KCNN3: variants seen among roughly 807,000 people sequenced by gnomAD.
KCNN3 encodes the protein potassium calcium-activated channel subfamily N member 3.
Under a neutral mutation model 62.9 loss-of-function variants are expected in KCNN3, and 16 were observed. The ratio of observed to expected loss-of-function variants is 0.25; its 90% CI spans 0.17 to 0.39. The LOEUF is 0.39. KCNN3 is among the 10% of genes least tolerant of loss of function. KCNN3 has a pLI of 1.00. For missense variants in KCNN3, 599 were observed against 949.4 expected (o/e 0.63, Z 4.85); for synonymous variants, 370 against 389.2 (o/e 0.95, Z 0.58).
At chr1:154,851,785 G>C (rs1428573537) in intron 1 of KCNN3, among the ~76,000 whole-genome samples, 1 of 152,202 alleles carries the variant, frequency 6.6e-6, no homozygotes, top group Non-Finnish European at 1.5e-5. Flanking sequence ...ACCCTGGCTT[G>C]ACCCTCCCTG....
At chr1:154,784,843 C>G (rs1334651551) in intron 2 of KCNN3, among the ~76,000 whole-genome samples, 1 of 152,218 alleles carries the variant, frequency 6.6e-6, no homozygotes, top group African/African-American at 2.4e-5. Context: ...ATTTTACAGA[C>G]AGGGAAACTG....
intron 3 of KCNN3, among the ~76,000 whole-genome samples, chr1:154,760,733 T>C (rs1647966450): frequency 2.6e-5 from 4 of 152,180 alleles, no homozygotes; most frequent in Admixed American, 1.3e-4. Context: ...GGGAGGCTAC[T>C]GAAGAGCCAG....
rs532698092 is a variant in KCNN3, at chr1:154,748,607, C to A, written c.1449-15463G>T. ...GCCATGTGGGCCAAAGCTTTATGCG[C>A]ATTACTGAATTTAATCCTCAAAAAA... On this transcript the variant is annotated intron_variant, in intron 3 of 7. Coordinates refer to ENST00000271915, the MANE Select transcript of KCNN3 (RefSeq NM_002249.6). Among the ~76,000 whole-genome samples, 6 of 152,310 alleles carry A rather than the reference C, an allele frequency of 3.9e-5. No homozygotes were observed. The South Asian group carries it at 1.2e-3, about 32-fold the overall frequency.
Position 154,708,018 on chromosome 1 carries a change from G to T in KCNN3, c.2154C>A (p.Ser718=). The stretch of plus-strand genomic sequence containing the variant: ...TTGTGTACGGGGTCGGGAAGGAGGT[G>T]GAGCTGACCCCAATGGGGCTATCGG... ...PISDSPIGVS[S]TSFPTPYTSS... Residue 718 remains serine, a synonymous_variant, in exon 8 of 8, where the codon TCC becomes TCA. Transcript: ENST00000271915. 6.2e-7 allele frequency: 1 copy of T among 1,613,570 alleles called. No homozygotes were observed. The highest frequency in any genetic ancestry group is 8.5e-7 in the Non-Finnish European group (1 of 1,179,700).
At chr1:154,767,308 C>T (rs529297796) in intron 3 of KCNN3, among the ~76,000 whole-genome samples, 1 of 152,262 alleles carries the variant, frequency 6.6e-6, no homozygotes, top group South Asian at 2.1e-4. Flanking sequence ...AACCTGTTGA[C>T]AGACTGGAAG....
At chr1:154,799,625 G>C (rs2101872154) in intron 2 of KCNN3, among the ~76,000 whole-genome samples, 1 of 152,266 alleles carries the variant, frequency 6.6e-6, no homozygotes, top group East Asian at 1.9e-4. Flanking sequence ...AAATGCCCTA[G>C]AGTGCAGTTG....
At chr1:154,797,988 G>T (rs1472192992) in intron 2 of KCNN3, among the ~76,000 whole-genome samples, 1 of 152,180 alleles carries the variant, frequency 6.6e-6, no homozygotes. Context: ...TCCTCCACAT[G>T]GGCTCTGGAC....
chr1:154,867,690 C>T (rs1355170620), intron 1 of KCNN3, among the ~76,000 whole-genome samples: 1 of 151,788 alleles, frequency 6.6e-6, no homozygotes, highest in Non-Finnish European at 1.5e-5. Context: ...TGAACCCCTC[C>T]CAGCTACCCG....
chr1:154,843,360 T>A (rs995952317), intron 1 of KCNN3, among the ~76,000 whole-genome samples: 6 of 152,116 alleles, frequency 3.9e-5, no homozygotes, highest in Non-Finnish European at 8.8e-5. Context: ...CCAGCGTCCC[T>A]TCAGCTTGAG....
intron 1 of KCNN3, among the ~76,000 whole-genome samples, chr1:154,822,801 T>G (rs870327): frequency 0.6 from 91,079 of 152,114 alleles, 27,649 homozygotes; most frequent in African/African-American, 0.7. Context: ...GCAGGAGAAG[T>G]ACCCTGATGG....
chr1:154,832,564 T>C (rs1651416879), intron 1 of KCNN3, among the ~76,000 whole-genome samples: 1 of 152,174 alleles, frequency 6.6e-6, no homozygotes, highest in African/African-American at 2.4e-5. Context: ...CTGCCAAGGA[T>C]CTGGCCCCCA....
chr1:154,834,297 G>A (rs910610105), intron 1 of KCNN3, among the ~76,000 whole-genome samples: 2 of 152,240 alleles, frequency 1.3e-5, no homozygotes, highest in Non-Finnish European at 2.9e-5. Flanking sequence ...AAGGCTGGAA[G>A]CCACACACCA....
chr1:154,842,552 A>T (rs1333280168), intron 1 of KCNN3, among the ~76,000 whole-genome samples: 3 of 151,584 alleles, frequency 2.0e-5, no homozygotes, highest in African/African-American at 7.3e-5. Flanking sequence ...ACCCCAGCCC[A>T]CTGACCTGCA....
intron 1 of KCNN3, among the ~76,000 whole-genome samples, chr1:154,858,091 A>C (rs572144209): frequency 6.6e-6 from 1 of 152,278 alleles, no homozygotes; most frequent in East Asian, 1.9e-4. Context: ...TCGCTGGCAC[A>C]TAGTGTGCAC....
chr1:154,710,375 T>C (rs1700049662), intron 7 of KCNN3, among the ~76,000 whole-genome samples: 1 of 152,158 alleles, frequency 6.6e-6, no homozygotes. Flanking sequence ...GGACCTTGGG[T>C]GAGTCTCCTG....
chr1:154,772,372 C>T lies in KCNN3; in HGVS notation c.1051G>A (p.Ala351Thr), dbSNP rs1453830866. ...GTCATGGCTATCCGCCAGTCATCCG[C>T]GCCATTGTCGATCACGAAGAGCTGG... ...EVQLFVIDNG[A>T]DDWRIAMTYE... The change falls in exon 3 of 8, where the codon GCG becomes ACG. Residue 351 changes from alanine to threonine, a missense_variant. Physicochemically the swap from Ala to Thr is moderately conservative, Grantham distance 58. Around this residue, in one of 7 missense-constraint regions of KCNN3, gnomAD observed 288 missense variants for 557.4 expected, o/e 0.52. Coordinates refer to ENST00000271915, the MANE Select transcript of KCNN3 (RefSeq NM_002249.6). This position sits in a 1 kb window ranked among gnomAD's most constrained non-coding sequence, Gnocchi z 5.6. 5.6e-6 allele frequency: 9 copies of T among 1,614,044 alleles called. No individual in the cohort carries two copies. The highest frequency in any genetic ancestry group is 1.3e-5 in the African/African-American group (1 of 74,936).
Position 154,809,048 on chromosome 1 carries a change from G to A in KCNN3, c.1029+13041C>T, listed in dbSNP as rs1050070255. 2.0e-5 allele frequency among the ~76,000 whole-genome samples: 3 copies of A among 152,188 alleles called. No individual in the cohort carries two copies. The highest frequency in any genetic ancestry group is 4.4e-5 in the Non-Finnish European group (3 of 68,030). On this transcript the variant is annotated intron_variant, in intron 2 of 7. Coordinates refer to ENST00000271915, the MANE Select transcript of KCNN3 (RefSeq NM_002249.6). The surrounding 1 kb of genome is among the most constrained non-coding windows in gnomAD (Gnocchi z 4.3). The stretch of plus-strand genomic sequence containing the variant: ...TGATCTCTGGTTTGTGGCTGTGCCT[G>A]ATGTAGTCACAGGTCAGTGGTCATA...
At chr1:154,735,208 G>A (rs1182310307) in intron 3 of KCNN3, among the ~76,000 whole-genome samples, 5 of 152,178 alleles carry the variant, frequency 3.3e-5, no homozygotes, top group Non-Finnish European at 7.4e-5. Context: ...AGAAACAGGT[G>A]TGCAAAGCTG....
chr1:154,757,278 C>T (rs183301729), intron 3 of KCNN3, among the ~76,000 whole-genome samples: 119 of 151,622 alleles, frequency 7.8e-4, no homozygotes, highest in African/African-American at 2.9e-3. Flanking sequence ...GACTTCAGGC[C>T]AGCCCTCAAC....
Sources: gnomAD v4.1 joint callset for allele counts (sites outside exome capture counted in the v4.1 genomes callset) on GRCh38, gnomAD v4.1.1 for gene constraint, gnomAD v4.1.1 regional missense constraint, Gnocchi (gnomAD v3.1) non-coding constraint, MANE v1.5 for transcripts, NCBI Gene and HGNC (gene_info 2026-07-23, HGNC 2026-07-21) for gene names.